TLN2: variants seen among roughly 807,000 people sequenced by gnomAD.
The protein encoded by TLN2 is talin-2.
TLN2 carries 118 observed loss-of-function variants against 294.7 expected under a neutral mutation model. The ratio of observed to expected loss-of-function variants is 0.40; its 90% CI spans 0.34 to 0.47. TLN2 has a LOEUF of 0.47. Ranked by LOEUF, TLN2 falls within the 20% of genes least tolerant of loss-of-function variation. The probability of loss-of-function intolerance (pLI) is 0.84; values close to 1 mark genes in which losing one functional copy is unlikely to be tolerated. For synonymous variants in TLN2, 1,431 were observed against 1,304.5 expected, an observed-to-expected ratio of 1.10 and a Z score of -2.09; for missense variants, 3,083 against 3,282.2, an observed-to-expected ratio of 0.94 and a Z score of 1.48.
At chr15:62,404,199 G>A (rs942170967) in intron 1 of TLN2, among the ~76,000 whole-genome samples, 4 of 152,180 alleles carry the variant, frequency 2.6e-5, no homozygotes, top group African/African-American at 9.7e-5. Context: ...AATGAAGAAA[G>A]CACATCCTTA....
intron 57 of TLN2, among the ~76,000 whole-genome samples, chr15:62,837,888 C>G (rs2069946152): frequency 6.6e-6 from 1 of 152,196 alleles, no homozygotes. Flanking sequence ...GAAGAACTCT[C>G]AACTTTCTGA....
chr15:62,582,616 T>G (rs1045331596), intron 1 of TLN2, among the ~76,000 whole-genome samples: 8 of 152,086 alleles, frequency 5.3e-5, no homozygotes, highest in Non-Finnish European at 7.4e-5. Flanking sequence ...AAAGCCCTCT[T>G]AGGGGAAAAC....
intron 1 of TLN2, among the ~76,000 whole-genome samples, chr15:62,410,691 C>G (rs1392091603): frequency 2.0e-5 from 3 of 152,226 alleles, no homozygotes; most frequent in Non-Finnish European, 4.4e-5. Flanking sequence ...ATCCATTACT[C>G]TTAGTCATTT....
At chr15:62,490,382 G>A (rs2038643071) in intron 1 of TLN2, among the ~76,000 whole-genome samples, 2 of 152,122 alleles carry the variant, frequency 1.3e-5, no homozygotes, top group Admixed American at 6.5e-5. Context: ...TGGGATACAC[G>A]TTTGTCTCTA....
intron 1 of TLN2, among the ~76,000 whole-genome samples, chr15:62,458,987 A>G (rs1445791336): frequency 6.6e-6 from 1 of 151,814 alleles, no homozygotes; most frequent in African/African-American, 2.4e-5. Flanking sequence ...CTATGTGGAA[A>G]GCAGTAGACT....
intron 1 of TLN2, among the ~76,000 whole-genome samples, chr15:62,502,831 T>C (rs1216163299): frequency 6.6e-6 from 1 of 152,210 alleles, no homozygotes; most frequent in African/African-American, 2.4e-5. Flanking sequence ...TTCTCTGTTT[T>C]CCTATCACCT....
intron 1 of TLN2, among the ~76,000 whole-genome samples, chr15:62,504,755 G>A (rs1432864688): frequency 1.3e-5 from 2 of 152,032 alleles, no homozygotes; most frequent in Admixed American, 6.6e-5. Context: ...TGCAAGGGAG[G>A]AGCCAGAGTG....
Position 62,708,787 on chromosome 15 carries a change from G to T in TLN2, c.2458G>T (p.Gly820Cys), listed in dbSNP as rs371362291. The T allele has an allele frequency of 1.2e-6, 2 of 1,602,054 alleles. No homozygotes were observed. Among genetic ancestry groups the T allele is most frequent in the African/African-American group, 1.3e-5 (1 of 75,006 alleles). Residue 820 changes from glycine (G) to cysteine (C), a missense_variant, in exon 21 of 59, where the codon GGT becomes TGT. Transcript: ENST00000636159. ...CACCGAGAGCATCTTCAGCTCCATG[G>T]GTGACGCTGGTAAGGCACTGTGCTG... is the stretch of plus-strand genomic sequence containing the variant. Reference protein sequence around the residue: ...CVTESIFSSMGDAGEMVRQAR... With the variant: ...CVTESIFSSMCDAGEMVRQAR...
chr15:62,823,138 C>T (rs936716967), intron 54 of TLN2, among the ~76,000 whole-genome samples: 2 of 152,162 alleles, frequency 1.3e-5, no homozygotes, highest in Non-Finnish European at 2.9e-5. Context: ...AGCTCACTCC[C>T]ATCGTATTAG....
intron 3 of TLN2, among the ~76,000 whole-genome samples, chr15:62,620,329 A>G (rs775488536): frequency 2.0e-5 from 3 of 152,114 alleles, no homozygotes; most frequent in Non-Finnish European, 4.4e-5. Flanking sequence ...TGGCCAATAT[A>G]TAAGCAAATT....
In TLN2 at chr15:62,650,053, C is replaced by T. The variant is rs766349485; in HGVS notation, c.137-31C>T. On this transcript the variant is annotated intron_variant, in intron 4 of 58. Transcript: ENST00000636159. Reference sequence around the variant, plus strand: ...CAGTGATGGCTTCATCACCACTTTGCCTTCTGTTTTTCTTCCCATTTATAT... The same window carrying T: ...CAGTGATGGCTTCATCACCACTTTGTCTTCTGTTTTTCTTCCCATTTATAT... The T allele has an allele frequency of 1.9e-6, 3 of 1,610,130 alleles. No individual in the cohort carries two copies. The South Asian group carries it at 3.3e-5, about 18-fold the overall frequency.
At chr15:62,614,686 A>G (rs1373286085) in intron 2 of TLN2, among the ~76,000 whole-genome samples, 1 of 152,252 alleles carries the variant, frequency 6.6e-6, no homozygotes, top group Non-Finnish European at 1.5e-5. Context: ...TGAGAATTGT[A>G]AAAAGTTTTA....
chr15:62,701,078 T>G lies in TLN2; in HGVS notation c.1588-28T>G, dbSNP rs375873718. 30 of 1,593,746 alleles carry G rather than the reference T, an allele frequency of 1.9e-5. No homozygotes were observed. The African/African-American group carries it at 3.5e-4, about 19-fold the overall frequency. On this transcript the variant is annotated intron_variant, in intron 16 of 58. Coordinates refer to ENST00000636159, the MANE Select transcript of TLN2 (RefSeq NM_015059.3). ...CTCCTGGGTAATTCTGTGCTGTGAT[T>G]GTGTTGTGCCGTTGTCTGGCTTTGC...
At chr15:62,594,194 A>G (rs1037760268) in intron 2 of TLN2, among the ~76,000 whole-genome samples, 9 of 152,136 alleles carry the variant, frequency 5.9e-5, no homozygotes, top group East Asian at 1.9e-4. Context: ...GTTACGGTCA[A>G]TTGATTTTTA....
intron 32 of TLN2, among the ~76,000 whole-genome samples, chr15:62,742,275 T>C (rs571495606): frequency 9.1e-4 from 138 of 152,150 alleles, no homozygotes; most frequent in African/African-American, 3.1e-3. Flanking sequence ...GGAGGTGGGG[T>C]TGGGGGTGAT....
intron 40 of TLN2, among the ~76,000 whole-genome samples, chr15:62,764,532 G>C (rs986953261): frequency 6.6e-6 from 1 of 152,182 alleles, no homozygotes; most frequent in Non-Finnish European, 1.5e-5. Context: ...TTCTCAAACT[G>C]TGTGGGATGC....
intron 1 of TLN2, among the ~76,000 whole-genome samples, chr15:62,564,822 G>A (rs562518893): frequency 1.3e-5 from 2 of 149,648 alleles, no homozygotes; most frequent in Admixed American, 1.3e-4. Flanking sequence ...CAGGAGAATC[G>A]CTTGAACCCC....
In TLN2 at chr15:62,843,243, G is replaced by C. The variant is rs2070882726; in HGVS notation, c.*2633G>C. Reference sequence around the variant, plus strand: ...CTCGAGGGCTTTGAATCCTTGGGCTGATTTTTGTGCCAGAAATTGCTGTTC... The same window carrying C: ...CTCGAGGGCTTTGAATCCTTGGGCTCATTTTTGTGCCAGAAATTGCTGTTC... On this transcript the variant is annotated 3_prime_UTR_variant, in exon 59 of 59. Coordinates refer to ENST00000636159, the MANE Select transcript of TLN2 (RefSeq NM_015059.3). 6.6e-6 allele frequency: 1 copy of C among 152,240 alleles called. No individual in the cohort carries two copies. The highest frequency in any genetic ancestry group is 6.5e-5 in the Admixed American group (1 of 15,282). The allele number at this position is 152,240 out of a possible 1,614,324, so 9.4% of individuals were successfully genotyped here. A position where few individuals can be genotyped will look rare whatever the true frequency, so the allele number is the denominator to read the frequency against.
intron 14 of TLN2, among the ~76,000 whole-genome samples, chr15:62,695,399 A>G (rs2058257065): frequency 6.6e-6 from 1 of 152,152 alleles, no homozygotes; most frequent in Admixed American, 6.6e-5. Context: ...CCCCACAGTG[A>G]TGCTCTGGGC....
Sources: allele counts gnomAD v4.1 joint callset (sites outside exome capture counted in the v4.1 genomes callset), GRCh38; gene constraint gnomAD v4.1.1; transcripts MANE v1.5; gene names NCBI Gene and HGNC (gene_info 2026-07-23, HGNC 2026-07-21).